The following DLST variants were observed in gnomAD, a reference collection of about 807,000 sequenced individuals.
DLST encodes the protein dihydrolipoamide S-succinyltransferase, also known as dihydrolipoyllysine-residue succinyltransferase component of 2-oxoglutarate dehydrogenase complex, mitochondrial.
Under a neutral mutation model 53.1 loss-of-function variants are expected in DLST, and 17 were observed. That is an observed-to-expected ratio of 0.32 (90% CI 0.22 to 0.48). The LOEUF (loss-of-function observed/expected upper bound fraction) is 0.48. DLST is among the 20% of genes least tolerant of loss of function. The pLI is 0.99. For missense variants in DLST, 512 were observed against 583.9 expected (o/e 0.88, Z 1.27); for synonymous variants, 206 against 204.8 (o/e 1.01, Z -0.05).
rs1884310365 is a variant in DLST at position 74,902,880 on chromosome 14, G to C, written c.*550G>C. The C allele has an allele frequency of 6.5e-6, 1 of 152,688 alleles. No individual in the cohort carries two copies. Among genetic ancestry groups the C allele is most frequent in the African/African-American group, 2.4e-5 (1 of 41,434 alleles). The allele number at this position is 152,688 out of a possible 1,614,324, so 9.5% of individuals were successfully genotyped here. The stretch of plus-strand genomic sequence containing the variant: ...GGCACCTTCATTCTCCGTTGTCATT[G>C]ACTTCAAGATGCCTCTTCTACCTCT... On this transcript the variant is annotated 3_prime_UTR_variant, in exon 15 of 15. Coordinates refer to ENST00000334220, the MANE Select transcript of DLST (RefSeq NM_001933.5).
intron 10 of DLST, among the ~76,000 whole-genome samples, chr14:74,896,596 T>G (rs1884083969): frequency 6.6e-6 from 1 of 152,220 alleles, no homozygotes; most frequent in South Asian, 2.1e-4. Flanking sequence ...ATGTCATCCA[T>G]TCTGTTGGGA....
chr14:74,881,978 T>A lies in DLST; in HGVS notation c.25T>A (p.Ser9Thr). Residue 9 changes from serine to threonine, a missense_variant, in exon 1 of 15, where the codon TCT becomes ACT. Transcript: ENST00000334220. Reference protein sequence around the residue: MLSRSRCVSRAFSRSLSAF... With the variant: MLSRSRCVTRAFSRSLSAF... Reference sequence around the variant, plus strand: ...GATGCTGTCCCGATCCCGCTGTGTGTCTCGGGCGTTCAGCCGCTCGCTCTC... The same window carrying A: ...GATGCTGTCCCGATCCCGCTGTGTGACTCGGGCGTTCAGCCGCTCGCTCTC... The A allele has an allele frequency of 6.4e-7, 1 of 1,571,620 alleles. No homozygotes were observed. The highest frequency in any genetic ancestry group is 1.1e-5 in the South Asian group (1 of 87,334).
intron 2 of DLST, among the ~76,000 whole-genome samples, 168 bp downstream of exon 2, chr14:74,882,792 C>T (rs1883573289): frequency 1.3e-5 from 2 of 152,114 alleles, no homozygotes; most frequent in African/African-American, 4.8e-5. Flanking sequence ...TCATTTAGCT[C>T]GTAGTTGAGT....
intron 2 of DLST, among the ~76,000 whole-genome samples, chr14:74,884,334 CAT>C (rs1055366164): frequency 3.9e-5 from 6 of 152,110 alleles, no homozygotes; most frequent in Admixed American, 1.3e-4. Flanking sequence ...CAATAACAAA[CAT>C]GTTTTTCAAG....
intron 7 of DLST, 98 bp from the exon 8 acceptor site, chr14:74,892,736 C>T (rs1883951499): frequency 1.1e-5 from 13 of 1,227,576 alleles, no homozygotes; most frequent in Middle Eastern, 2.8e-4. Flanking sequence ...AGTAGACATT[C>T]GTTACTTGAT....
Position 74,901,054 on chromosome 14 carries a change from A to G in DLST, c.1060-12A>G. ...GTTGGCTTGATATTTCAATTATGAA[A>G]TCTGTTTTTAGGCCCGAAAGAATGA... On this transcript the variant is annotated splice_polypyrimidine_tract_variant and intron_variant, in intron 13 of 14. Coordinates refer to ENST00000334220, the MANE Select transcript of DLST (RefSeq NM_001933.5). 1 of 1,612,884 alleles carries G rather than the reference A, an allele frequency of 6.2e-7. No individual in the cohort carries two copies. The highest frequency in any genetic ancestry group is 8.5e-7 in the Non-Finnish European group (1 of 1,179,470).
chr14:74,888,995 G>A lies in DLST; in HGVS notation c.147-100G>A, dbSNP rs1482530890. Reference sequence around the variant, plus strand: ...GACACTGATGGACACCCCTGGTCAAGAGTCACTGTTTAAGGGGAAGGTGAC... The same window carrying A: ...GACACTGATGGACACCCCTGGTCAAAAGTCACTGTTTAAGGGGAAGGTGAC... On this transcript the variant is annotated intron_variant, in intron 3 of 14. Transcript: ENST00000334220. The A allele has an allele frequency of 5.5e-5, 67 of 1,218,090 alleles. No individual in the cohort carries two copies. The South Asian group carries it at 7.8e-4, about 14-fold the overall frequency. 75.5% of individuals were successfully genotyped at this position (1,218,090 alleles called of 1,614,324 possible).
intron 7 of DLST, among the ~76,000 whole-genome samples, chr14:74,892,527 T>C (rs953649560): frequency 6.9e-6 from 1 of 144,726 alleles, no homozygotes; most frequent in Non-Finnish European, 1.5e-5. Context: ...TTTTTTTCCT[T>C]GGAAGTTTAC....
At chr14:74,891,744 T>C in intron 7 of DLST, 1 of 985,046 alleles carries the variant, frequency 1.0e-6, no homozygotes, top group Non-Finnish European at 1.2e-6. Flanking sequence ...AAAGTCTATT[T>C]CTTTTTCCTA....
chr14:74,899,969 C>T lies in DLST; in HGVS notation c.948C>T (p.Asp316=), dbSNP rs1339780015. 1.2e-6 allele frequency: 2 copies of T among 1,613,818 alleles called. No individual in the cohort carries two copies. Among genetic ancestry groups the T allele is most frequent in the South Asian group, 1.1e-5 (1 of 91,056 alleles). The change falls in exon 12 of 15, where the codon GAC becomes GAT. Residue 316 remains aspartate, a synonymous_variant. Coordinates refer to ENST00000334220, the MANE Select transcript of DLST (RefSeq NM_001933.5). ...AGGTGGTGTATAGGGATTATATTGA[C>T]ATCAGTGTTGCAGTGGCCACCCCAC... ...TKEVVYRDYI[D]ISVAVATPRG...
At chr14:74,892,785 C>G (rs1284435270) in intron 7 of DLST, 49 bp from the exon 8 acceptor site, 1 of 1,536,542 alleles carries the variant, frequency 6.5e-7, no homozygotes, top group East Asian at 2.3e-5. Flanking sequence ...TGCTTGGTTG[C>G]TTCTCATTTC....
In DLST at chr14:74,885,166, C is replaced by G. The variant is rs184537877; in HGVS notation, c.98-420C>G. On this transcript the variant is annotated intron_variant, in intron 2 of 14. Transcript: ENST00000334220. ...CCCAGACCAAACATCCTCCTTGCTT[C>G]TCAAATTGGGTTATGTATAGTCACA... is the stretch of plus-strand genomic sequence containing the variant. Among the ~76,000 whole-genome samples, 70 of 152,312 alleles carry G rather than the reference C, an allele frequency of 4.6e-4. 1 individual carries two copies. The highest frequency in any genetic ancestry group is 8.1e-4 in the Non-Finnish European group (55 of 68,026).
At chr14:74,901,549 G>A (rs1884246141) in intron 14 of DLST, among the ~76,000 whole-genome samples, 1 of 152,236 alleles carries the variant, frequency 6.6e-6, no homozygotes, top group Non-Finnish European at 1.5e-5. Context: ...AGTTGGAAAC[G>A]TGGTCCCTTG....
intron 3 of DLST, chr14:74,885,854 T>A: frequency 2.1e-6 from 1 of 482,536 alleles, no homozygotes; most frequent in South Asian, 3.4e-5. Context: ...GTGCCCACTC[T>A]CCACAGGTGT....
chr14:74,893,064 G>A, intron 8 of DLST, 78 bp downstream of exon 8: 1 of 1,496,042 alleles, frequency 6.7e-7, no homozygotes. Context: ...ACTCTAGACT[G>A]ATGATGGTTC....
chr14:74,892,239 C>T (rs1378200165), intron 7 of DLST, among the ~76,000 whole-genome samples: 4 of 152,158 alleles, frequency 2.6e-5, no homozygotes, highest in East Asian at 1.9e-4. Context: ...CATGCCACCA[C>T]GCCCAGCTAA....
chr14:74,888,976 G>A, intron 3 of DLST, 119 bp from the exon 4 acceptor site: 1 of 1,004,692 alleles, frequency 1.0e-6, no homozygotes, highest in Non-Finnish European at 1.5e-6. Flanking sequence ...AAGTGACACT[G>A]ATGGACACCC....
intron 9 of DLST, 90 bp from the exon 10 acceptor site, chr14:74,894,222 T>G (rs1322694923): frequency 2.0e-6 from 3 of 1,500,962 alleles, no homozygotes; most frequent in Non-Finnish European, 2.7e-6. Flanking sequence ...GGCCATCTAC[T>G]CGTGGCAAGC....
intron 3 of DLST, among the ~76,000 whole-genome samples, chr14:74,888,475 A>G (rs1388409991): frequency 6.6e-6 from 1 of 151,718 alleles, no homozygotes; most frequent in African/African-American, 2.4e-5. Flanking sequence ...ATGGTGACTC[A>G]CTCCTGTAAT....
Sources: allele counts gnomAD v4.1 joint callset (sites outside exome capture counted in the v4.1 genomes callset), GRCh38; gene constraint gnomAD v4.1.1; transcripts MANE v1.5; gene names NCBI Gene and HGNC (gene_info 2026-07-23, HGNC 2026-07-21).